The following LRP1B variants were observed in gnomAD, a reference collection of about 807,000 sequenced individuals.
LRP1B encodes LDL receptor related protein 1B.
LRP1B carries 217 observed loss-of-function variants against 556.6 expected under a neutral mutation model. That is an observed-to-expected ratio of 0.39 (90% CI 0.35 to 0.44). LRP1B has a LOEUF of 0.44. Ranked by LOEUF, LRP1B falls within the 20% of genes least tolerant of loss-of-function variation. The pLI is 1.00. For missense variants in LRP1B, 5,053 were observed against 5,620.8 expected (o/e 0.90, Z 3.23); for synonymous variants, 2,047 against 1,865.8 (o/e 1.10, Z -2.50).
At chr2:140,673,955 T>C (rs1483515672) in intron 41 of LRP1B, among the ~76,000 whole-genome samples, 6 of 146,388 alleles carry the variant, frequency 4.1e-5, no homozygotes, top group Non-Finnish European at 3.0e-5. Context: ...TTTTTTTTTT[T>C]TTTCTTTTTT....
chr2:140,296,005 G>T (rs1441773324), intron 84 of LRP1B, among the ~76,000 whole-genome samples: 1 of 152,016 alleles, frequency 6.6e-6, no homozygotes, highest in Non-Finnish European at 1.5e-5. Context: ...AAAAAAAGGG[G>T]TGGTCAAAAA....
At chr2:141,996,722 CT>C (rs1053360975) in intron 1 of LRP1B, among the ~76,000 whole-genome samples, 17 of 149,744 alleles carry the variant, frequency 1.1e-4, no homozygotes, top group South Asian at 4.3e-4. Flanking sequence ...TTCCCCCCCC[CT>C]ACAAACTAGT....
chr2:140,594,496 T>C (rs1053930493), intron 43 of LRP1B, among the ~76,000 whole-genome samples: 3 of 152,204 alleles, frequency 2.0e-5, no homozygotes, highest in African/African-American at 7.2e-5. Context: ...GGAACACTTT[T>C]CCAACAGGCT....
At chr2:141,784,533 A>G (rs891531116) in intron 2 of LRP1B, among the ~76,000 whole-genome samples, 2 of 151,930 alleles carry the variant, frequency 1.3e-5, no homozygotes, top group African/African-American at 4.8e-5. Context: ...GGGGTTTTTG[A>G]AACTGTTATC....
chr2:141,444,691 GT>G (rs1182400771), intron 3 of LRP1B, among the ~76,000 whole-genome samples: 1 of 152,132 alleles, frequency 6.6e-6, no homozygotes, highest in African/African-American at 2.4e-5. Flanking sequence ...TAATCATGTA[GT>G]TTTTGTCATT....
At chr2:141,455,196 C>T (rs1340095818) in intron 3 of LRP1B, among the ~76,000 whole-genome samples, 1 of 150,702 alleles carries the variant, frequency 6.6e-6, no homozygotes, top group Non-Finnish European at 1.5e-5. Context: ...TGTATTTAAT[C>T]AATTATGGAA....
intron 35 of LRP1B, among the ~76,000 whole-genome samples, chr2:140,748,397 C>CATATATAAT (rs869036407): frequency 1.3e-5 from 1 of 79,082 alleles, no homozygotes. Context: ...ATATTATATT[C>CATATATAAT]ATATATTATA....
At chr2:141,682,129 A>G (rs1051694616) in intron 2 of LRP1B, among the ~76,000 whole-genome samples, 8 of 152,130 alleles carry the variant, frequency 5.3e-5, no homozygotes, top group Admixed American at 2.0e-4. Flanking sequence ...TCTTGATAGC[A>G]CTGGATGTCC....
intron 7 of LRP1B, among the ~76,000 whole-genome samples, chr2:141,074,036 C>G (rs1699716056): frequency 1.3e-5 from 2 of 152,162 alleles, no homozygotes; most frequent in South Asian, 4.1e-4. Context: ...AAATAGGAAT[C>G]AAATCTTACA....
intron 2 of LRP1B, among the ~76,000 whole-genome samples, chr2:141,755,224 G>A (rs370658576): frequency 3.3e-5 from 5 of 151,990 alleles, no homozygotes; most frequent in African/African-American, 1.2e-4. Flanking sequence ...GCTTTAAAAG[G>A]CAAATGATAA....
At chr2:140,914,687 A>G (rs1468226024) in intron 21 of LRP1B, among the ~76,000 whole-genome samples, 1 of 152,180 alleles carries the variant, frequency 6.6e-6, no homozygotes, top group Non-Finnish European at 1.5e-5. Flanking sequence ...TTTTAAAATT[A>G]AATATGAGGG....
At chr2:142,086,178 G>C (rs1209607567) in intron 1 of LRP1B, among the ~76,000 whole-genome samples, 1 of 152,108 alleles carries the variant, frequency 6.6e-6, no homozygotes, top group Non-Finnish European at 1.5e-5. Flanking sequence ...AAAATGTGTT[G>C]CTATTAGTCA....
chr2:142,088,686 T>C (rs193042216), intron 1 of LRP1B, among the ~76,000 whole-genome samples: 193 of 152,198 alleles, frequency 1.3e-3, no homozygotes, highest in Non-Finnish European at 2.4e-3. Flanking sequence ...CAATAGTTAC[T>C]GACTTATGGC....
intron 2 of LRP1B, among the ~76,000 whole-genome samples, chr2:141,539,114 AT>A (rs1328984578): frequency 6.6e-6 from 1 of 152,178 alleles, no homozygotes; most frequent in African/African-American, 2.4e-5. Flanking sequence ...ATTATCAATG[AT>A]TTATGTGGTA....
chr2:142,110,152 A>T (rs538128150), intron 1 of LRP1B, among the ~76,000 whole-genome samples: 9 of 152,290 alleles, frequency 5.9e-5, no homozygotes, highest in African/African-American at 2.2e-4. Context: ...ATGTTATACA[A>T]GCCCATCATT....
intron 86 of LRP1B, chr2:140,269,307 C>T (rs999794984): frequency 4.2e-6 from 2 of 470,950 alleles, no homozygotes; most frequent in Non-Finnish European, 8.8e-6. Context: ...AGTGCAAATC[C>T]CCTCATTCTG....
At chr2:141,892,827 A>G (rs1699331564) in intron 1 of LRP1B, among the ~76,000 whole-genome samples, 1 of 152,116 alleles carries the variant, frequency 6.6e-6, no homozygotes, top group Non-Finnish European at 1.5e-5. Flanking sequence ...TTTTACAGTT[A>G]TGTTAAAGTT....
intron 1 of LRP1B, among the ~76,000 whole-genome samples, chr2:142,078,195 A>G (rs866581166): frequency 2.1e-4 from 32 of 152,082 alleles, no homozygotes; most frequent in Middle Eastern, 3.2e-3. Context: ...AACTGATTGA[A>G]ATGTACATTT....
rs865860658 is a variant in LRP1B, at chr2:141,599,074, C to T, written c.206-118541G>A. 6.1e-3 allele frequency among the ~76,000 whole-genome samples: 497 copies of T among 81,748 alleles called. 18 individuals are homozygous for T. Among genetic ancestry groups the T allele is most frequent in the Middle Eastern group, 0.033 (3 of 92 alleles). 53.6% of individuals were successfully genotyped at this position (81,748 alleles called of 152,430 possible). ...CCCCGCCCCCCCCCCCCCCCCCCCC[C>T]GCTTTAACTCTCCTGTCAAGTGCTC... On this transcript the variant is annotated intron_variant, in intron 2 of 90. Transcript: ENST00000389484.
Sources: allele counts gnomAD v4.1 joint callset (sites outside exome capture counted in the v4.1 genomes callset), GRCh38; gene constraint gnomAD v4.1.1; transcripts MANE v1.5; gene names NCBI Gene and HGNC (gene_info 2026-07-23, HGNC 2026-07-21).